FOXL2: variants seen among roughly 807,000 people sequenced by gnomAD.
FOXL2 encodes the protein forkhead box L2, also known as forkhead box protein L2.
FOXL2 carries 3 observed loss-of-function variants against 2.5 expected under a neutral mutation model. The observed-to-expected ratio is 1.20, with a 90% CI of 0.55 to 3.11. FOXL2 has a LOEUF of 3.11. Ranked by LOEUF, FOXL2 falls within the 30% of genes most tolerant of loss-of-function variation. The pLI, the probability that FOXL2 is intolerant of heterozygous loss-of-function variation, is 0.03. For missense variants in FOXL2, 512 were observed against 570.0 expected, an observed-to-expected ratio of 0.90 and a Z score of 1.04; for synonymous variants, 315 against 269.4, an observed-to-expected ratio of 1.17 and a Z score of -1.66.
chr3:138,945,865 AGGCGGGGGT>A lies in FOXL2; in HGVS notation c.849_857del (p.Pro286_Pro288del). 1 of 1,240,978 alleles carries A rather than the reference AGGCGGGGGT, an allele frequency of 8.1e-7. No homozygotes were observed. The highest frequency in any genetic ancestry group is 1.0e-6 in the Non-Finnish European group (1 of 995,864). The allele number at this position is 1,240,978 out of a possible 1,614,324, so 76.9% of individuals were successfully genotyped here. On this transcript the variant is annotated inframe_deletion, in exon 1 of 1. Coordinates refer to ENST00000648323, the MANE Select transcript of FOXL2 (RefSeq NM_023067.4). Reference sequence around the variant, plus strand: ...GCGGATGCGGGTGGGGGTGCGGCGGAGGCGGGGGTGCGGCCGGCGGGCCTCCCAGGCCAT... The same window carrying A: ...GCGGATGCGGGTGGGGGTGCGGCGGAGCGGCCGGCGGGCCTCCCAGGCCAT...
chr3:138,945,622 G>C lies in FOXL2; in HGVS notation c.1101C>G (p.Thr367=), dbSNP rs143272886. 2.5e-5 allele frequency: 40 copies of C among 1,610,776 alleles called. No homozygotes were observed. In the African/African-American group the frequency reaches 4.9e-4, roughly 20 times the overall value. Reference sequence around the variant, plus strand: ...GATCGAGGCGCGAATGCAGCGCGCCGGTCTTGCTGTCGTGGTCCCAGTAAG... The same window carrying C: ...GATCGAGGCGCGAATGCAGCGCGCCCGTCTTGCTGTCGTGGTCCCAGTAAG... The part of the protein sequence containing the change: ...HCSYWDHDSK[T]GALHSRLDL The change falls in exon 1 of 1, where the codon ACC becomes ACG. Residue 367 remains threonine, a synonymous_variant. Transcript: ENST00000648323.
Position 138,945,389 on chromosome 3 carries a change from G to T in FOXL2, c.*203C>A. On this transcript the variant is annotated 3_prime_UTR_variant, in exon 1 of 1. Coordinates refer to ENST00000648323, the MANE Select transcript of FOXL2 (RefSeq NM_023067.4). ...CACAGAGGTCAGGGAGGTGAGCACA[G>T]GAGGACATAAACTGAGGGGACAAAG... 1.2e-6 allele frequency: 1 copy of T among 843,454 alleles called. No homozygotes were observed. Among genetic ancestry groups the T allele is most frequent in the Non-Finnish European group, 1.7e-6 (1 of 571,846 alleles). 52.2% of individuals were successfully genotyped at this position (843,454 alleles called of 1,614,324 possible).
rs1205833672 is a variant in FOXL2 at position 138,946,441 on chromosome 3, A to G, written c.282T>C (p.Asn94=). 1 of 1,614,044 alleles carries G rather than the reference A, an allele frequency of 6.2e-7. No homozygotes were observed. Among genetic ancestry groups the G allele is most frequent in the Non-Finnish European group, 8.5e-7 (1 of 1,179,976 alleles). Residue 94 remains asparagine (N), a synonymous_variant, in exon 1 of 1, where the codon AAT becomes AAC. Transcript: ENST00000648323. ...IIAKFPFYEK[N]KKGWQNSIRH... is the part of the protein sequence containing the mutation. ...GGATGCTATTTTGCCAGCCCTTCTT[A>G]TTCTTCTCGTAGAACGGGAACTTCG...
chr3:138,945,244 C>G lies in FOXL2; in HGVS notation c.*348G>C. On this transcript the variant is annotated 3_prime_UTR_variant, in exon 1 of 1. Coordinates refer to ENST00000648323, the MANE Select transcript of FOXL2 (RefSeq NM_023067.4). ...GGTCTGCGCTGCCGACGCCCGGTCGCACCTCCGCCCCGGGCCCTTTCCGCG... is the reference window on the plus strand; with the variant it reads ...GGTCTGCGCTGCCGACGCCCGGTCGGACCTCCGCCCCGGGCCCTTTCCGCG... 6 of 245,110 alleles carry G rather than the reference C, an allele frequency of 2.4e-5. No individual in the cohort carries two copies. The highest frequency in any genetic ancestry group is 1.1e-4 in the Admixed American group (2 of 18,454). 15.2% of individuals were successfully genotyped at this position (245,110 alleles called of 1,614,324 possible).
Position 138,945,489 on chromosome 3 carries a change from G to A in FOXL2, c.*103C>T. On this transcript the variant is annotated 3_prime_UTR_variant, in exon 1 of 1. Coordinates refer to ENST00000648323, the MANE Select transcript of FOXL2 (RefSeq NM_023067.4). ...CGCTGGCTCCAGAGGCGGGCCCAGA[G>A]GGTGTGAGGTCAGGCTGGCGGCGGC... The A allele has an allele frequency of 6.7e-7, 1 of 1,502,168 alleles. No individual in the cohort carries two copies. Among genetic ancestry groups the A allele is most frequent in the South Asian group, 1.2e-5 (1 of 84,250 alleles). 93.1% of individuals were successfully genotyped at this position (1,502,168 alleles called of 1,614,324 possible).
Position 138,945,131 on chromosome 3 carries a change from C to T in FOXL2, c.*461G>A, listed in dbSNP as rs1203535935. On this transcript the variant is annotated 3_prime_UTR_variant, in exon 1 of 1. Coordinates refer to ENST00000648323, the MANE Select transcript of FOXL2 (RefSeq NM_023067.4). ...GGGCAGCGCGGTCCCGCCATCAGTCCTGTCCGGCGCGTCTAGCCATGGACT... is the reference window on the plus strand; with the variant it reads ...GGGCAGCGCGGTCCCGCCATCAGTCTTGTCCGGCGCGTCTAGCCATGGACT... 8.4e-6 allele frequency: 2 copies of T among 237,894 alleles called. No individual in the cohort carries two copies. Among genetic ancestry groups the T allele is most frequent in the African/African-American group, 4.4e-5 (2 of 45,520 alleles). 14.7% of individuals were successfully genotyped at this position (237,894 alleles called of 1,614,324 possible). A position where few individuals can be genotyped will look rare whatever the true frequency, so the allele number is the denominator to read the frequency against.
rs569790915 is a variant in FOXL2, at chr3:138,946,624, G to T, written c.99C>A (p.Ser33Arg). Reference protein sequence around the residue: ...TVKEPEGPPPSPGKGGGGGGG... With the variant: ...TVKEPEGPPPRPGKGGGGGGG... The stretch of plus-strand genomic sequence containing the variant: ...CGCCACCCCCACCGCCCTTGCCTGG[G>T]CTCGGCGGCGGCCCTTCTGGCTCCT... The change falls in exon 1 of 1, where the codon AGC (serine) becomes AGA (arginine). Residue 33 changes from serine (S) to arginine (R), a missense_variant. Ser to Arg is a moderately radical substitution (Grantham distance 110). Around this residue, in one of 5 missense-constraint regions of FOXL2, gnomAD observed 92 missense variants for 77.8 expected, o/e 1.18. Coordinates refer to ENST00000648323, the MANE Select transcript of FOXL2 (RefSeq NM_023067.4). The T allele has an allele frequency of 1.0e-5, 16 of 1,598,096 alleles. No individual in the cohort carries two copies. The South Asian group carries it at 1.7e-4, about 17-fold the overall frequency.
Position 138,945,181 on chromosome 3 carries a change from G to T in FOXL2, c.*411C>A. On this transcript the variant is annotated 3_prime_UTR_variant, in exon 1 of 1. Transcript: ENST00000648323. Reference sequence around the variant, plus strand: ...TGCACGGCAGTCGGGCGGGGAACGCGGAGAGCGAGCGCACCGACCTGTGAG... The same window carrying T: ...TGCACGGCAGTCGGGCGGGGAACGCTGAGAGCGAGCGCACCGACCTGTGAG... 1 of 246,962 alleles carries T rather than the reference G, an allele frequency of 4.0e-6. No individual in the cohort carries two copies. Among genetic ancestry groups the T allele is most frequent in the Non-Finnish European group, 8.0e-6 (1 of 125,450 alleles). 15.3% of individuals were successfully genotyped at this position (246,962 alleles called of 1,614,324 possible).
rs1935936744 is a variant in FOXL2, at chr3:138,945,581, G to A, written c.*11C>T. 6.2e-7 allele frequency: 1 copy of A among 1,607,764 alleles called. No individual in the cohort carries two copies. Among genetic ancestry groups the A allele is most frequent in the East Asian group, 2.2e-5 (1 of 44,728 alleles). On this transcript the variant is annotated 3_prime_UTR_variant, in exon 1 of 1. Coordinates refer to ENST00000648323, the MANE Select transcript of FOXL2 (RefSeq NM_023067.4). ...TCCTCGCATCCGTCTGCACCGGCATGCGGTGGGCTCTCAGAGATCGAGGCG... is the reference window on the plus strand; with the variant it reads ...TCCTCGCATCCGTCTGCACCGGCATACGGTGGGCTCTCAGAGATCGAGGCG...
chr3:138,946,667 T>C lies in FOXL2; in HGVS notation c.56A>G (p.Glu19Gly), dbSNP rs2107745091. The C allele has an allele frequency of 6.4e-7, 1 of 1,574,496 alleles. No homozygotes were observed. Among genetic ancestry groups the C allele is most frequent in the Non-Finnish European group, 8.6e-7 (1 of 1,163,224 alleles). ...EDAAGALLAP[E>G]TGRTVKEPEG... ...TGGCTCCTTGACTGTGCGACCGGTC[T>C]CTGGGGCCAGCAGGGCCCCCGCCGC... The change falls in exon 1 of 1, where the codon GAG becomes GGG. Residue 19 changes from glutamate (E) to glycine (G), a missense_variant. Physicochemically the swap from Glu to Gly is moderately conservative, Grantham distance 98. Coordinates refer to ENST00000648323, the MANE Select transcript of FOXL2 (RefSeq NM_023067.4).
rs1406198276 is a variant in FOXL2, at chr3:138,944,898, G to C, written c.*694C>G. ...CAGCCGCCGGGGCCCGGAGGTGCCC[G>C]AAGCGACGGGACTGATAGCGGAGGA... On this transcript the variant is annotated 3_prime_UTR_variant, in exon 1 of 1. Coordinates refer to ENST00000648323, the MANE Select transcript of FOXL2 (RefSeq NM_023067.4). 1 of 232,346 alleles carries C rather than the reference G, an allele frequency of 4.3e-6. No homozygotes were observed. The highest frequency in any genetic ancestry group is 8.5e-6 in the Non-Finnish European group (1 of 117,702). 14.4% of individuals were successfully genotyped at this position (232,346 alleles called of 1,614,324 possible). A position where few individuals can be genotyped will look rare whatever the true frequency, so the allele number is the denominator to read the frequency against.
At position 138,945,698 on chromosome 3, in the gene FOXL2, C is replaced by T. The variant is rs372479512; in HGVS notation, c.1025G>A (p.Gly342Asp). 1.3e-4 allele frequency: 197 copies of T among 1,550,184 alleles called. 1 individual carries two copies. Among genetic ancestry groups the T allele is most frequent in the Non-Finnish European group, 1.7e-4 (189 of 1,139,716 alleles). The change falls in exon 1 of 1, where the codon GGC becomes GAC. Residue 342 changes from glycine to aspartate, a missense_variant. Transcript: ENST00000648323. ...CTGCCGGGCACAAGCGAACTGCAGG[C>T]CCGGCGCACTGGTGGGCGCGGGCGC... ...PPAPAPTSAP[G>D]LQFACARQPE...
chr3:138,945,150 A>G lies in FOXL2; in HGVS notation c.*442T>C, dbSNP rs1314430038. 1 of 243,198 alleles carries G rather than the reference A, an allele frequency of 4.1e-6. No individual in the cohort carries two copies. The highest frequency in any genetic ancestry group is 8.1e-6 in the Non-Finnish European group (1 of 123,550). The allele number at this position is 243,198 out of a possible 1,614,324, so 15.1% of individuals were successfully genotyped here. ...TCAGTCCTGTCCGGCGCGTCTAGCC[A>G]TGGACTGCACGGCAGTCGGGCGGGG... is the stretch of plus-strand genomic sequence containing the variant. On this transcript the variant is annotated 3_prime_UTR_variant, in exon 1 of 1. Coordinates refer to ENST00000648323, the MANE Select transcript of FOXL2 (RefSeq NM_023067.4).
At position 138,946,157 on chromosome 3, in the gene FOXL2, A is replaced by G. The variant is rs747079191; in HGVS notation, c.566T>C (p.Leu189Pro). The change falls in exon 1 of 1, where the codon CTG becomes CCG. Residue 189 changes from leucine to proline, a missense_variant. Physicochemically the swap from Leu to Pro is moderately conservative, Grantham distance 98. Coordinates refer to ENST00000648323, the MANE Select transcript of FOXL2 (RefSeq NM_023067.4). ...AGAGADGYGY[L>P]APPKYLQSGF... is the part of the protein sequence containing the mutation. ...AGACTGCAGGTACTTGGGGGGCGCC[A>G]GGTAGCCGTAGCCGTCGGCCCCGGC... 2 of 1,484,000 alleles carry G rather than the reference A, an allele frequency of 1.3e-6. No individual in the cohort carries two copies. The highest frequency in any genetic ancestry group is 2.4e-5 in the Admixed American group (1 of 42,418). The allele number at this position is 1,484,000 out of a possible 1,614,324, so 91.9% of individuals were successfully genotyped here.
Position 138,946,797 on chromosome 3 carries a change from G to A in FOXL2, c.-75C>T. 1 of 1,520,662 alleles carries A rather than the reference G, an allele frequency of 6.6e-7. No individual in the cohort carries two copies. The highest frequency in any genetic ancestry group is 8.8e-7 in the Non-Finnish European group (1 of 1,134,554). 94.2% of individuals were successfully genotyped at this position (1,520,662 alleles called of 1,614,324 possible). A position where few individuals can be genotyped will look rare whatever the true frequency, so the allele number is the denominator to read the frequency against. On this transcript the variant is annotated 5_prime_UTR_variant, in exon 1 of 1. Transcript: ENST00000648323. ...CGCTGGCGCGGCAAAGAGTTGGGGC[G>A]CACGAGTCCGCTTACGGCCAAGTCT...
rs774916125 is a variant in FOXL2 at position 138,946,225 on chromosome 3, G to T, written c.498C>A (p.Leu166=). The T allele has an allele frequency of 9.1e-6, 14 of 1,541,870 alleles. No individual in the cohort carries two copies. Among genetic ancestry groups the T allele is most frequent in the Non-Finnish European group, 1.1e-5 (13 of 1,146,588 alleles). ...CGCCTGCGGCGCCTCCGGCCCCGAAGAGCCCCTTGCCGGGCTGGAAGTGCG... is the reference window on the plus strand; with the variant it reads ...CGCCTGCGGCGCCTCCGGCCCCGAATAGCCCCTTGCCGGGCTGGAAGTGCG... ...PPAHFQPGKG[L]FGAGGAAGGC... Residue 166 remains leucine (L), a synonymous_variant, in exon 1 of 1, where the codon CTC becomes CTA. Coordinates refer to ENST00000648323, the MANE Select transcript of FOXL2 (RefSeq NM_023067.4).
In FOXL2 at chr3:138,945,820, C is replaced by A. The variant is rs935700019; in HGVS notation, c.903G>T (p.Ala301=). Residue 301 remains alanine (A), a synonymous_variant, in exon 1 of 1, where the codon GCG becomes GCT. Transcript: ENST00000648323. The part of the protein sequence containing the change: ...HPHPHAHHLH[A]AAAPPPAPPH... The stretch of plus-strand genomic sequence containing the variant: ...GTGGGGCAGGCGGCGGTGCGGCGGC[C>A]GCGTGCAGATGGTGTGCGTGCGGAT... The A allele has an allele frequency of 1.1e-4, 137 of 1,204,422 alleles. No individual in the cohort carries two copies. The highest frequency in any genetic ancestry group is 1.4e-4 in the Non-Finnish European group (131 of 970,186). The allele number at this position is 1,204,422 out of a possible 1,614,324, so 74.6% of individuals were successfully genotyped here. A position where few individuals can be genotyped will look rare whatever the true frequency, so the allele number is the denominator to read the frequency against.
chr3:138,945,375 G>T lies in FOXL2; in HGVS notation c.*217C>A. 1 of 692,548 alleles carries T rather than the reference G, an allele frequency of 1.4e-6. No individual in the cohort carries two copies. The highest frequency in any genetic ancestry group is 2.2e-6 in the Non-Finnish European group (1 of 448,136). The allele number at this position is 692,548 out of a possible 1,614,324, so 42.9% of individuals were successfully genotyped here. On this transcript the variant is annotated 3_prime_UTR_variant, in exon 1 of 1. Transcript: ENST00000648323. ...GGGGAGTGCAAGGTCACAGAGGTCAGGGAGGTGAGCACAGGAGGACATAAA... is the reference window on the plus strand; with the variant it reads ...GGGGAGTGCAAGGTCACAGAGGTCATGGAGGTGAGCACAGGAGGACATAAA...
chr3:138,946,028 G>A lies in FOXL2; in HGVS notation c.695C>T (p.Ala232Val), dbSNP rs753630377. The A allele has an allele frequency of 2.2e-6, 3 of 1,390,220 alleles. No homozygotes were observed. The highest frequency in any genetic ancestry group is 1.5e-5 in the African/African-American group (1 of 65,120). The allele number at this position is 1,390,220 out of a possible 1,614,324, so 86.1% of individuals were successfully genotyped here. Reference protein sequence around the residue: ...AAAAAAAAAAAAAGPGSPGAA... With the variant: ...AAAAAAAAAAVAAGPGSPGAA... ...GCCAGGGCTACCGGGGCCCGCGGCT[G>A]CAGCCGCAGCTGCTGCAGCCGCTGC... Residue 232 changes from alanine to valine, a missense_variant, in exon 1 of 1, where the codon GCA (alanine) becomes GTA (valine). Transcript: ENST00000648323.
Sources: gnomAD v4.1 joint callset for allele counts on GRCh38, gnomAD v4.1.1 for gene constraint, gnomAD v4.1.1 regional missense constraint, MANE v1.5 for transcripts, NCBI Gene and HGNC (gene_info 2026-07-23, HGNC 2026-07-21) for gene names.